Variants in EPHA5 observed in about 807,000 individuals in gnomAD.
The protein encoded by EPHA5 is EPH receptor A5.
Under a neutral mutation model 105.0 loss-of-function variants are expected in EPHA5, and 60 were observed. The observed-to-expected ratio is 0.57, with a 90% CI of 0.46 to 0.71. The LOEUF is 0.71. EPHA5 is among the 30% of genes least tolerant of loss of function. The probability of loss-of-function intolerance (pLI) is 0.00; values close to 1 mark genes in which losing one functional copy is unlikely to be tolerated. For missense variants in EPHA5, 1,218 were observed against 1,274.7 expected (o/e 0.96, Z 0.68); for synonymous variants, 513 against 449.1 (o/e 1.14, Z -1.80).
At chr4:65,468,535 TTA>T (rs1159283816) in intron 5 of EPHA5, among the ~76,000 whole-genome samples, 122 of 124,256 alleles carry the variant, frequency 9.8e-4, no homozygotes, top group South Asian at 7.8e-3. Flanking sequence ...ACACACACCT[TTA>T]TATATATATA....
chr4:65,478,259 G>A (rs898250799), intron 5 of EPHA5, among the ~76,000 whole-genome samples: 3 of 152,046 alleles, frequency 2.0e-5, no homozygotes, highest in African/African-American at 7.2e-5. Context: ...GGCCAATATA[G>A]ATATATTCAT....
chr4:65,548,138 T>A (rs1356886753), intron 3 of EPHA5, among the ~76,000 whole-genome samples: 2 of 140,532 alleles, frequency 1.4e-5, no homozygotes, highest in Non-Finnish European at 3.1e-5. Context: ...ACTATGATAT[T>A]GGAGTTATCA....
intron 5 of EPHA5, among the ~76,000 whole-genome samples, chr4:65,455,496 G>A (rs1727493277): frequency 6.6e-6 from 1 of 152,046 alleles, no homozygotes; most frequent in Admixed American, 6.6e-5. Flanking sequence ...TTCTCATAAG[G>A]AACGCTGATC....
chr4:65,588,645 C>A (rs1742348109), intron 3 of EPHA5, among the ~76,000 whole-genome samples: 1 of 152,122 alleles, frequency 6.6e-6, no homozygotes, highest in Admixed American at 6.6e-5. Context: ...TATTTATGGT[C>A]TCTCTATTCC....
chr4:65,352,064 T>G (rs953552612), intron 12 of EPHA5, among the ~76,000 whole-genome samples: 1 of 152,006 alleles, frequency 6.6e-6, no homozygotes, highest in African/African-American at 2.4e-5. Context: ...CAGGTCAATG[T>G]TAGCAATTTT....
intron 2 of EPHA5, among the ~76,000 whole-genome samples, chr4:65,623,032 T>G (rs556847168): frequency 8.5e-5 from 13 of 152,228 alleles, no homozygotes; most frequent in African/African-American, 2.6e-4. Context: ...AACATGGGTT[T>G]AGGTAGTTTA....
intron 5 of EPHA5, among the ~76,000 whole-genome samples, chr4:65,440,314 G>C (rs1359542681): frequency 6.6e-6 from 1 of 151,800 alleles, no homozygotes; most frequent in Non-Finnish European, 1.5e-5. Flanking sequence ...AAATATATAA[G>C]TAATACACTA....
chr4:65,649,506 T>C (rs1157730960), intron 1 of EPHA5, among the ~76,000 whole-genome samples: 1 of 152,198 alleles, frequency 6.6e-6, no homozygotes, highest in Non-Finnish European at 1.5e-5. Flanking sequence ...CTAGTCCTTT[T>C]GTATATTAAC....
At chr4:65,529,943 A>T (rs527819407) in intron 3 of EPHA5, among the ~76,000 whole-genome samples, 1 of 152,276 alleles carries the variant, frequency 6.6e-6, no homozygotes, top group South Asian at 2.1e-4. Context: ...ACCTAAGGTT[A>T]TACTAATATA....
chr4:65,642,340 G>T (rs576729422), intron 2 of EPHA5, among the ~76,000 whole-genome samples: 3 of 152,090 alleles, frequency 2.0e-5, no homozygotes, highest in Admixed American at 2.0e-4. Context: ...GAAGAAGGAA[G>T]AGTGTAAGAA....
At chr4:65,394,220 T>G (rs1720996050) in intron 8 of EPHA5, among the ~76,000 whole-genome samples, 1 of 152,198 alleles carries the variant, frequency 6.6e-6, no homozygotes, top group South Asian at 2.1e-4. Flanking sequence ...TAAGAGATGT[T>G]TTATTCATAT....
intron 16 of EPHA5, chr4:65,331,367 T>C (rs969425936): frequency 1.9e-6 from 2 of 1,040,870 alleles, no homozygotes; most frequent in Non-Finnish European, 1.2e-6. Flanking sequence ...GTTTGATAAA[T>C]TTTATCTTAA....
At chr4:65,435,319 A>G (rs1725374215) in intron 5 of EPHA5, among the ~76,000 whole-genome samples, 1 of 152,090 alleles carries the variant, frequency 6.6e-6, no homozygotes, top group Non-Finnish European at 1.5e-5. Flanking sequence ...TGATGAGTCC[A>G]TACATATGGG....
At chr4:65,662,206 A>G (rs895835893) in intron 1 of EPHA5, among the ~76,000 whole-genome samples, 2 of 152,124 alleles carry the variant, frequency 1.3e-5, no homozygotes, top group Non-Finnish European at 2.9e-5. Context: ...GACATTACCC[A>G]TCTCTGAGTA....
At chr4:65,552,640 A>G (rs1198393207) in intron 3 of EPHA5, among the ~76,000 whole-genome samples, 1 of 152,124 alleles carries the variant, frequency 6.6e-6, no homozygotes, top group Non-Finnish European at 1.5e-5. Context: ...TTCACACTGT[A>G]AGACATAAAT....
At chr4:65,631,897 G>T (rs972370585) in intron 2 of EPHA5, among the ~76,000 whole-genome samples, 2 of 151,686 alleles carry the variant, frequency 1.3e-5, no homozygotes, top group Non-Finnish European at 2.9e-5. Context: ...ATATAACCAG[G>T]GTAAACACAG....
chr4:65,606,767 A>G (rs1295038493), intron 2 of EPHA5, among the ~76,000 whole-genome samples: 1 of 152,184 alleles, frequency 6.6e-6, no homozygotes, highest in African/African-American at 2.4e-5. Context: ...AGAATATAGC[A>G]TATCGGTTCA....
chr4:65,588,997 T>A (rs1003775755), intron 3 of EPHA5, among the ~76,000 whole-genome samples: 9 of 152,230 alleles, frequency 5.9e-5, no homozygotes, highest in African/African-American at 2.2e-4. Context: ...AACTAGCATG[T>A]ATTGAGGATT....
chr4:65,366,072 T>C lies in EPHA5; in HGVS notation c.1862-15A>G, dbSNP rs756403808. 6.3e-7 allele frequency: 1 copy of C among 1,586,712 alleles called. No homozygotes were observed. Among genetic ancestry groups the C allele is most frequent in the African/African-American group, 1.3e-5 (1 of 74,606 alleles). ...TGGCAGTTTAACTGTAAATATAAAT[T>C]GGCATTAAAACAGAAGTAGTTGTGA... On this transcript the variant is annotated splice_polypyrimidine_tract_variant and intron_variant, in intron 9 of 16. Transcript: ENST00000613740.
Sources: gnomAD v4.1 joint callset for allele counts (sites outside exome capture counted in the v4.1 genomes callset) on GRCh38, gnomAD v4.1.1 for gene constraint, MANE v1.5 for transcripts, NCBI Gene and HGNC (gene_info 2026-07-23, HGNC 2026-07-21) for gene names.